Variants in TNIK observed in about 807,000 individuals in gnomAD.
The protein encoded by TNIK is TRAF2 and NCK interacting kinase.
Under a neutral mutation model 191.3 loss-of-function variants are expected in TNIK, and 49 were observed. The observed-to-expected ratio is 0.26, with a 90% CI of 0.20 to 0.32. TNIK has a LOEUF of 0.32. Among genes scored for constraint, TNIK ranks in the 10% least tolerant of loss-of-function variants. The pLI, the probability that TNIK is intolerant of heterozygous loss-of-function variation, is 1.00. For missense variants in TNIK, 1,155 were observed against 1,702.3 expected (o/e 0.68, Z 5.66); for synonymous variants, 594 against 600.9 (o/e 0.99, Z 0.17).
At chr3:171,365,732 T>C (rs190199093) in intron 2 of TNIK, among the ~76,000 whole-genome samples, 4 of 152,214 alleles carry the variant, frequency 2.6e-5, no homozygotes, top group African/African-American at 7.2e-5. Flanking sequence ...AAGACTCTTA[T>C]AGCATGCTGG....
chr3:171,361,529 G>A (rs1273489170), intron 2 of TNIK, among the ~76,000 whole-genome samples: 1 of 152,028 alleles, frequency 6.6e-6, no homozygotes, highest in Admixed American at 6.5e-5. Flanking sequence ...AAACAACTTG[G>A]GGATCTATGA....
intron 28 of TNIK, among the ~76,000 whole-genome samples, chr3:171,076,574 A>G (rs1448013131): frequency 6.6e-6 from 1 of 152,182 alleles, no homozygotes; most frequent in African/African-American, 2.4e-5. Flanking sequence ...TTTATGTTAA[A>G]TAATTAATGT....
chr3:171,101,877 GA>G (rs945886372), intron 21 of TNIK: 10 of 461,282 alleles, frequency 2.2e-5, no homozygotes, highest in African/African-American at 4.0e-5. Context: ...GTTCAGTCCT[GA>G]ATATATATGT....
chr3:171,074,181 A>G (rs1325831226), intron 28 of TNIK, among the ~76,000 whole-genome samples: 1 of 152,198 alleles, frequency 6.6e-6, no homozygotes, highest in African/African-American at 2.4e-5. Context: ...AATACTATGC[A>G]GCCATAAAAA....
At chr3:171,190,627 T>C in intron 6 of TNIK, 70 bp downstream of exon 6, 1 of 1,218,322 alleles carries the variant, frequency 8.2e-7, no homozygotes, top group African/African-American at 1.5e-5. Context: ...TTAACATTAA[T>C]TTTTTTAGAG....
chr3:171,110,649 T>A, intron 19 of TNIK, 65 bp downstream of exon 19: 1 of 1,491,900 alleles, frequency 6.7e-7, no homozygotes, highest in Non-Finnish European at 9.0e-7. Context: ...GTAACTAACC[T>A]TTTTCCCTGT....
intron 2 of TNIK, among the ~76,000 whole-genome samples, chr3:171,303,311 A>AT (rs1273608772): frequency 2.0e-5 from 3 of 152,174 alleles, no homozygotes; most frequent in African/African-American, 7.2e-5. Context: ...ATCCTTCCCC[A>AT]AATTCCAGAC....
At chr3:171,101,331 G>T (rs756269388) in intron 22 of TNIK, 118 bp downstream of exon 22, 42 of 1,190,256 alleles carry the variant, frequency 3.5e-5, no homozygotes, top group Non-Finnish European at 4.6e-5. Context: ...AGTCCCGAAA[G>T]TCAATTTATC....
At chr3:171,330,046 A>G (rs1756243091) in intron 2 of TNIK, among the ~76,000 whole-genome samples, 1 of 152,214 alleles carries the variant, frequency 6.6e-6, no homozygotes, top group South Asian at 2.1e-4. Context: ...TGCAACTTCC[A>G]TTAGGCAGTT....
chr3:171,299,052 G>A (rs1307870623), intron 2 of TNIK, among the ~76,000 whole-genome samples: 1 of 152,208 alleles, frequency 6.6e-6, no homozygotes, highest in Non-Finnish European at 1.5e-5. Context: ...AATGAAGGAA[G>A]ACAAGCAGCC....
intron 1 of TNIK, among the ~76,000 whole-genome samples, chr3:171,426,055 G>A (rs1334475115): frequency 1.3e-5 from 2 of 152,020 alleles, no homozygotes; most frequent in African/African-American, 4.8e-5. Flanking sequence ...CCATTACTGG[G>A]TATATACCCA....
intron 6 of TNIK, among the ~76,000 whole-genome samples, chr3:171,189,105 C>A (rs992353883): frequency 1.3e-5 from 2 of 152,174 alleles, no homozygotes; most frequent in African/African-American, 4.8e-5. Flanking sequence ...CAACCCCTGG[C>A]AATTATTCTA....
chr3:171,131,859 C>G (rs964333015), intron 15 of TNIK, among the ~76,000 whole-genome samples: 3 of 152,190 alleles, frequency 2.0e-5, no homozygotes, highest in Non-Finnish European at 2.9e-5. Context: ...GATGGGGTAT[C>G]TAGGCAGGCC....
intron 2 of TNIK, among the ~76,000 whole-genome samples, chr3:171,346,611 C>G (rs926178933): frequency 1.1e-4 from 16 of 152,004 alleles, no homozygotes; most frequent in Admixed American, 3.3e-4. Context: ...GTTTAGCACC[C>G]CACCAGAATG....
rs796673555 is a variant in TNIK, at chr3:171,402,632, T to C, written c.58-32947A>G. 9.2e-5 allele frequency among the ~76,000 whole-genome samples: 14 copies of C among 152,354 alleles called. 1 individual carries two copies. The highest frequency in any genetic ancestry group is 3.4e-4 in the African/African-American group (14 of 41,586). The stretch of plus-strand genomic sequence containing the variant: ...ATCCTTACATCAAGGTTTAATCACC[T>C]GACTAAAAGATACCCTTCCTCCAGC... On this transcript the variant is annotated intron_variant, in intron 1 of 32. Transcript: ENST00000436636.
At chr3:171,218,870 A>ATATAAATT (rs900030912) in intron 3 of TNIK, among the ~76,000 whole-genome samples, 1 of 133,270 alleles carries the variant, frequency 7.5e-6, no homozygotes, top group East Asian at 2.2e-4. Context: ...TAATATAAAT[A>ATATAAATT]TATTTTATTT....
At chr3:171,401,583 C>T (rs553439771) in intron 1 of TNIK, among the ~76,000 whole-genome samples, 1 of 152,110 alleles carries the variant, frequency 6.6e-6, no homozygotes, top group African/African-American at 2.4e-5. Context: ...TTAAAATAGT[C>T]TCTGTGCACT....
Position 171,138,301 on chromosome 3 carries a change from A to G in TNIK, c.1498T>C (p.Leu500=). The change falls in exon 15 of 33, where the codon TTA becomes CTA. Residue 500 remains leucine (L), a synonymous_variant. Coordinates refer to ENST00000436636, the MANE Select transcript of TNIK (RefSeq NM_015028.4). The stretch of plus-strand genomic sequence containing the variant: ...TGCCGCTGATGCTGAAGGGAAACTA[A>G]GTAGTCTCTTTCTTGCTTTAGCTGC... ...QRQLKQERDY[L]VSLQHQRQEQ... is the part of the protein sequence containing the mutation. 2.5e-6 allele frequency: 4 copies of G among 1,613,366 alleles called. No homozygotes were observed. Among genetic ancestry groups the G allele is most frequent in the Non-Finnish European group, 3.4e-6 (4 of 1,179,724 alleles).
chr3:171,093,284 A>T (rs1011385644), intron 23 of TNIK, among the ~76,000 whole-genome samples: 24 of 152,310 alleles, frequency 1.6e-4, no homozygotes, highest in African/African-American at 5.8e-4. Flanking sequence ...ATGTTCCTAG[A>T]GTTTAAAAAA....
Sources: allele counts gnomAD v4.1 joint callset (sites outside exome capture counted in the v4.1 genomes callset), GRCh38; gene constraint gnomAD v4.1.1; transcripts MANE v1.5; gene names NCBI Gene and HGNC (gene_info 2026-07-23, HGNC 2026-07-21).